The following ELAVL3 variants were observed in gnomAD, a reference collection of about 807,000 sequenced individuals.
ELAVL3 encodes ELAV-like protein 3.
A neutral mutation model predicts 34.2 loss-of-function variants in ELAVL3; 8 were observed. That is an observed-to-expected ratio of 0.23 (90% CI 0.14 to 0.42). The LOEUF is 0.42. Among genes scored for constraint, ELAVL3 ranks in the 10% least tolerant of loss-of-function variants. The pLI is 1.00. For synonymous variants in ELAVL3, 209 were observed against 222.1 expected, an observed-to-expected ratio of 0.94 and a Z score of 0.53; for missense variants, 273 against 518.8, an observed-to-expected ratio of 0.53 and a Z score of 4.60.
intron 1 of ELAVL3, among the ~76,000 whole-genome samples, chr19:11,468,032 C>T (rs1235099128): frequency 1.3e-5 from 2 of 152,210 alleles, no homozygotes; most frequent in Non-Finnish European, 2.9e-5. Context: ...TCTGGTGATC[C>T]TCCCACTTTG....
At chr19:11,478,084 G>C (rs973587230) in intron 1 of ELAVL3, among the ~76,000 whole-genome samples, 10 of 152,112 alleles carry the variant, frequency 6.6e-5, no homozygotes, top group African/African-American at 1.7e-4. Context: ...TTCTCAGATG[G>C]GGACACTGAG....
chr19:11,474,530 G>A (rs986470664), intron 1 of ELAVL3, among the ~76,000 whole-genome samples: 1 of 152,104 alleles, frequency 6.6e-6, no homozygotes, highest in African/African-American at 2.4e-5. Flanking sequence ...AGAGGTTGCA[G>A]TGAGTTGAGA....
In ELAVL3 at chr19:11,480,420, C is replaced by A; in HGVS notation, c.9+180G>T. Reference sequence around the variant, plus strand: ...CCCTCTCAGACCAAGCTCTAAGCGCCCTCAGCACTCTGGGCGCGGCCCTGC... The same window carrying A: ...CCCTCTCAGACCAAGCTCTAAGCGCACTCAGCACTCTGGGCGCGGCCCTGC... On this transcript the variant is annotated intron_variant, in intron 1 of 6. Transcript: ENST00000359227. The surrounding 1 kb of genome is among the most constrained non-coding windows in gnomAD (Gnocchi z 6.8). 1 of 669,378 alleles carries A rather than the reference C, an allele frequency of 1.5e-6. No individual in the cohort carries two copies. The highest frequency in any genetic ancestry group is 2.2e-6 in the Non-Finnish European group (1 of 449,356). The allele number at this position is 669,378 out of a possible 1,614,324, so 41.5% of individuals were successfully genotyped here.
intron 5 of ELAVL3, 47 bp from the exon 6 acceptor site, chr19:11,457,195 CCCTGCTGTGACACCGTCGG>C: frequency 6.5e-7 from 1 of 1,531,508 alleles, no homozygotes. Context: ...AGTCACGCCC[CCCTGCTGTGACACCGTCGG>C]CCTGCCCTCC....
chr19:11,468,916 T>A (rs1971109411), intron 1 of ELAVL3, among the ~76,000 whole-genome samples: 1 of 152,076 alleles, frequency 6.6e-6, no homozygotes, highest in Non-Finnish European at 1.5e-5. Context: ...AACCATTTTT[T>A]AGCTTTAATT....
rs1486846331 is a variant in ELAVL3, at chr19:11,458,076, T to G, written c.698A>C (p.Gln233Pro). 6.2e-7 allele frequency: 1 copy of G among 1,612,976 alleles called. No homozygotes were observed. Among genetic ancestry groups the G allele is most frequent in the East Asian group, 2.2e-5 (1 of 44,872 alleles). Residue 233 changes from glutamine to proline, a missense_variant, in exon 5 of 7, where the codon CAG becomes CCG. Physicochemically the swap from Gln to Pro is moderately conservative, Grantham distance 76 (BLOSUM62 -1). Coordinates refer to ENST00000359227, the MANE Select transcript of ELAVL3 (RefSeq NM_001420.4). This position sits in a 1 kb window ranked among gnomAD's most constrained non-coding sequence, Gnocchi z 7.3. ...ARRYAGPLHH[Q>P]TQRFRLDNLL... ...GGGGGCTCACCGGAAACGCTGGGTCTGATGGTGTAGGGGGCCTGCGTAGCG... is the reference window on the plus strand; with the variant it reads ...GGGGGCTCACCGGAAACGCTGGGTCGGATGGTGTAGGGGGCCTGCGTAGCG...
At chr19:11,464,129 C>CTCTCTCTG (rs1568381912) in intron 3 of ELAVL3, among the ~76,000 whole-genome samples, 5 of 92,746 alleles carry the variant, frequency 5.4e-5, no homozygotes, top group African/African-American at 2.5e-4. Flanking sequence ...CTCTGTCTCT[C>CTCTCTCTG]TCTCTCTCTC....
chr19:11,480,497 A>T lies in ELAVL3; in HGVS notation c.9+103T>A. The T allele has an allele frequency of 1.9e-6, 2 of 1,037,368 alleles. No individual in the cohort carries two copies. The highest frequency in any genetic ancestry group is 2.1e-5 in the South Asian group (1 of 47,376). The allele number at this position is 1,037,368 out of a possible 1,614,324, so 64.3% of individuals were successfully genotyped here. A position where few individuals can be genotyped will look rare whatever the true frequency, so the allele number is the denominator to read the frequency against. On this transcript the variant is annotated intron_variant, in intron 1 of 6. Coordinates refer to ENST00000359227, the MANE Select transcript of ELAVL3 (RefSeq NM_001420.4). The surrounding 1 kb of genome is among the most constrained non-coding windows in gnomAD (Gnocchi z 6.8). ...CTACCCCCCCAACCCGGGCCTAGCT[A>T]GGCCTGGTCCTACCCCCCCCGCCGC...
At chr19:11,462,684 A>G (rs139891847) in intron 3 of ELAVL3, among the ~76,000 whole-genome samples, 8,705 of 151,566 alleles carry the variant, frequency 0.057, 637 homozygotes, top group African/African-American at 0.17. Flanking sequence ...CATGCTGGGC[A>G]CGGTGGCTCA....
chr19:11,459,986 C>T (rs1381411201), intron 3 of ELAVL3, among the ~76,000 whole-genome samples: 1 of 152,098 alleles, frequency 6.6e-6, no homozygotes, highest in African/African-American at 2.4e-5. Context: ...TAGTCATCAG[C>T]TCCCAAATGT....
At chr19:11,476,350 G>C (rs1971262744) in intron 1 of ELAVL3, among the ~76,000 whole-genome samples, 1 of 151,992 alleles carries the variant, frequency 6.6e-6, no homozygotes. Flanking sequence ...AGCAGCCTGG[G>C]CAACACAGTG....
Position 11,466,791 on chromosome 19 carries a change from C to G in ELAVL3, c.46G>C (p.Gly16Arg), listed in dbSNP as rs778860619. 2.9e-5 allele frequency: 47 copies of G among 1,611,712 alleles called. No homozygotes were observed. Among genetic ancestry groups the G allele is most frequent in the Admixed American group, 5.0e-5 (3 of 59,490 alleles). Residue 16 changes from glycine to arginine, a missense_variant, in exon 2 of 7, where the codon GGC becomes CGC. Gly to Arg is a moderately radical substitution (Grantham distance 125, BLOSUM62 -2). Transcript: ENST00000359227. The surrounding 1 kb of genome is among the most constrained non-coding windows in gnomAD (Gnocchi z 5.0). ...TTGGGCAGGGCCGGGCCGGCCGGGC[C>G]CCCCCCCACCTGAGACTCCATGGCC... ...LGAMESQVGG[G>R]PAGPALPNGP...
chr19:11,477,846 G>A (rs776360907), intron 1 of ELAVL3, among the ~76,000 whole-genome samples: 6 of 151,914 alleles, frequency 3.9e-5, no homozygotes, highest in African/African-American at 7.3e-5. Context: ...GCACCATCGC[G>A]CCCCGCTAAC....
chr19:11,455,604 A>T (rs1366696563), intron 6 of ELAVL3, among the ~76,000 whole-genome samples: 1 of 150,502 alleles, frequency 6.6e-6, no homozygotes, highest in African/African-American at 2.4e-5. Context: ...GCTAATTTTT[A>T]AAAATTTTTG....
chr19:11,472,846 G>T (rs1180260917), intron 1 of ELAVL3, among the ~76,000 whole-genome samples: 1 of 151,430 alleles, frequency 6.6e-6, no homozygotes, highest in Non-Finnish European at 1.5e-5. Context: ...GGGGTGGATC[G>T]CCAGAGGTCA....
At chr19:11,468,975 A>G (rs1971110488) in intron 1 of ELAVL3, among the ~76,000 whole-genome samples, 1 of 152,188 alleles carries the variant, frequency 6.6e-6, no homozygotes, top group Non-Finnish European at 1.5e-5. Flanking sequence ...GCTGAAGTGC[A>G]GTAGGGCAAT....
chr19:11,451,493 T>C lies in ELAVL3; in HGVS notation c.*3033A>G, dbSNP rs1030397789. ...TTTTTTTTTTTTGTCTTTTGTTTTG[T>C]CTTTTTTTTTTTTTTTTTTTTTACA... On this transcript the variant is annotated 3_prime_UTR_variant, in exon 7 of 7. Coordinates refer to ENST00000359227, the MANE Select transcript of ELAVL3 (RefSeq NM_001420.4). 7 of 132,158 alleles carry C rather than the reference T, an allele frequency of 5.3e-5. No homozygotes were observed. Among genetic ancestry groups the C allele is most frequent in the African/African-American group, 2.0e-4 (7 of 35,214 alleles). The allele number at this position is 132,158 out of a possible 1,614,324, so 8.2% of individuals were successfully genotyped here.
chr19:11,455,629 C>T (rs551125965), intron 6 of ELAVL3, among the ~76,000 whole-genome samples: 9 of 151,818 alleles, frequency 5.9e-5, no homozygotes, highest in South Asian at 2.1e-4. Context: ...GGTGGGGTCT[C>T]GCTGCGTTAG....
rs1970695989 is a variant in ELAVL3 at position 11,453,340 on chromosome 19, C to T, written c.*1186G>A. On this transcript the variant is annotated 3_prime_UTR_variant, in exon 7 of 7. Coordinates refer to ENST00000359227, the MANE Select transcript of ELAVL3 (RefSeq NM_001420.4). ...TCCAGGAGAGATCTCTGCAGAGAACCTGGGGGCCAGGGCGAGGGGGCCGAG... is the reference window on the plus strand; with the variant it reads ...TCCAGGAGAGATCTCTGCAGAGAACTTGGGGGCCAGGGCGAGGGGGCCGAG... 6.6e-6 allele frequency: 1 copy of T among 152,406 alleles called. No individual in the cohort carries two copies. The highest frequency in any genetic ancestry group is 6.6e-5 in the Admixed American group (1 of 15,256). 9.4% of individuals were successfully genotyped at this position (152,406 alleles called of 1,614,324 possible).
Sources: gnomAD v4.1 joint callset for allele counts (sites outside exome capture counted in the v4.1 genomes callset) on GRCh38, gnomAD v4.1.1 for gene constraint, Gnocchi (gnomAD v3.1) non-coding constraint, MANE v1.5 for transcripts, NCBI Gene and HGNC (gene_info 2026-07-23, HGNC 2026-07-21) for gene names.